The following TRMT44 variants were observed in gnomAD, a reference collection of about 807,000 sequenced individuals.
The protein encoded by TRMT44 is tRNA methyltransferase 44 homolog.
TRMT44 carries 78 observed loss-of-function variants against 77.3 expected under a neutral mutation model. That is an observed-to-expected ratio of 1.01 (90% confidence interval 0.84 to 1.22). TRMT44 has a LOEUF of 1.22. TRMT44 is among the 50% of genes most tolerant of loss of function. The pLI, the probability that TRMT44 is intolerant of heterozygous loss-of-function variation, is 0.00. For synonymous variants in TRMT44, 391 were observed against 383.3 expected (o/e 1.02, Z -0.23); for missense variants, 1,090 against 964.4 (o/e 1.13, Z -1.73).
downstream of TRMT44, among the ~76,000 whole-genome samples, chr4:8,497,783 T>C (rs1726882845): frequency 6.6e-6 from 1 of 152,256 alleles, no homozygotes; most frequent in African/African-American, 2.4e-5. Context: ...TTAGTCTCTC[T>C]AGTTCTCTAT....
At chr4:8,516,867 T>G in the TRMT44 span, among the ~76,000 whole-genome samples, 1 of 152,266 alleles carries the variant, frequency 6.6e-6, no homozygotes, top group Non-Finnish European at 1.5e-5. Context: ...CATCTTCTCA[T>G]GAGCAATGTG....
chr4:8,455,640 T>A (rs1725755771), intron 6 of TRMT44, among the ~76,000 whole-genome samples: 1 of 152,250 alleles, frequency 6.6e-6, no homozygotes, highest in African/African-American at 2.4e-5. Context: ...GTGACCATGG[T>A]GTATACGGAA....
downstream of TRMT44, chr4:8,476,694 C>G (rs2631736): frequency 0.3 from 45,624 of 152,238 alleles, 7,540 homozygotes; most frequent in Admixed American, 0.41. Flanking sequence ...CCCAGAAATA[C>G]TGCAGCAGTC....
intron 3 of TRMT44, 112 bp downstream of exon 3, chr4:8,450,000 C>G (rs533474285): frequency 1.1e-5 from 7 of 633,284 alleles, no homozygotes; most frequent in African/African-American, 2.5e-5. Flanking sequence ...TGTCACCCCC[C>G]CAAAAAAAAG....
downstream of TRMT44, among the ~76,000 whole-genome samples, chr4:8,479,991 C>T (rs1281533318): frequency 6.6e-6 from 1 of 152,096 alleles, no homozygotes. Context: ...AATTGATCTC[C>T]TGCCTCAGCC....
chr4:8,445,862 T>C (rs934053880), intron 1 of TRMT44, among the ~76,000 whole-genome samples: 1 of 152,116 alleles, frequency 6.6e-6, no homozygotes, highest in Non-Finnish European at 1.5e-5. Flanking sequence ...ATATCAAAGG[T>C]AAACACGATT....
intron 9 of TRMT44, 75 bp from the exon 10 acceptor site, chr4:8,471,009 C>A: frequency 9.9e-7 from 1 of 1,006,402 alleles, no homozygotes; most frequent in African/African-American, 1.6e-5. Flanking sequence ...CTGAAATGGA[C>A]TGTTTCTGCC....
intron 2 of TRMT44, among the ~76,000 whole-genome samples, chr4:8,490,086 C>G (rs1727950075): frequency 6.6e-6 from 1 of 152,204 alleles, no homozygotes. Context: ...GGCAATTCAG[C>G]CCACAGGAGG....
the TRMT44 span, chr4:8,507,339 T>C: frequency 1.3e-5 from 2 of 152,380 alleles, no homozygotes; most frequent in Non-Finnish European, 2.9e-5. Context: ...GGCTGGCTGA[T>C]AGTTTAGAAG....
At chr4:8,465,585 C>T in intron 8 of TRMT44, 24 bp downstream of exon 8, 2 of 1,594,820 alleles carry the variant, frequency 1.3e-6, no homozygotes, top group Non-Finnish European at 1.7e-6. Flanking sequence ...TCATGTTGTT[C>T]TAGGCGGTGT....
At chr4:8,448,272 TC>T (rs1008242282) in intron 2 of TRMT44, among the ~76,000 whole-genome samples, 3 of 152,222 alleles carry the variant, frequency 2.0e-5, no homozygotes, top group African/African-American at 7.2e-5. Flanking sequence ...GGATTCATTT[TC>T]GGCAACATTT....
At chr4:8,498,249 G>C (rs1434922319), downstream of TRMT44, among the ~76,000 whole-genome samples, 1 of 152,184 alleles carries the variant, frequency 6.6e-6, no homozygotes, top group African/African-American at 2.4e-5. This position sits in a 1 kb window ranked among gnomAD's most constrained non-coding sequence, Gnocchi z 4.3. Context: ...GCACTGCAGG[G>C]TCTGGCAGTT....
intron 2 of TRMT44, among the ~76,000 whole-genome samples, chr4:8,481,812 C>G (rs560658326): frequency 7.2e-5 from 11 of 152,224 alleles, no homozygotes; most frequent in Non-Finnish European, 1.3e-4. Flanking sequence ...GACTAGCACA[C>G]CTAGGGCAGT....
chr4:8,476,085 G>T lies in TRMT44; in HGVS notation c.*84G>T. 3.1e-6 allele frequency: 4 copies of T among 1,310,168 alleles called. No homozygotes were observed. The highest frequency in any genetic ancestry group is 2.7e-5 in the South Asian group (2 of 74,122). The allele number at this position is 1,310,168 out of a possible 1,614,324, so 81.2% of individuals were successfully genotyped here. On this transcript the variant is annotated 3_prime_UTR_variant, in exon 11 of 11. Transcript: ENST00000389737. ...AGCAGTCGTCAGTGCTGTGGTCTCTGCTCTGGCTGTGTTTCAGCCCACCTC... is the reference window on the plus strand; with the variant it reads ...AGCAGTCGTCAGTGCTGTGGTCTCTTCTCTGGCTGTGTTTCAGCCCACCTC...
At chr4:8,499,169 G>C in the TRMT44 span, among the ~76,000 whole-genome samples, 2 of 152,116 alleles carry the variant, frequency 1.3e-5, no homozygotes, top group African/African-American at 4.8e-5. Context: ...GGCCTCCTGA[G>C]ATGTGGCTCT....
chr4:8,503,924 A>C, the TRMT44 span, among the ~76,000 whole-genome samples: 1 of 152,200 alleles, frequency 6.6e-6, no homozygotes, highest in African/African-American at 2.4e-5. Context: ...CCTCGGTGCC[A>C]AGGCTTGCAA....
Position 8,476,010 on chromosome 4 carries a change from C to A in TRMT44, c.*9C>A, listed in dbSNP as rs775560222. On this transcript the variant is annotated 3_prime_UTR_variant, in exon 11 of 11. Transcript: ENST00000389737. ...GGAAGAAGATTTCATGAGCTGCATC[C>A]TTGCCAGCCGAGGCCTGGTTGGGGA... 2 of 1,612,334 alleles carry A rather than the reference C, an allele frequency of 1.2e-6. No homozygotes were observed. Among genetic ancestry groups the A allele is most frequent in the African/African-American group, 2.7e-5 (2 of 74,916 alleles).
At position 8,461,030 on chromosome 4, in the gene TRMT44, T is replaced by G. The variant is rs1204442528; in HGVS notation, c.1204-2955T>G. Among the ~76,000 whole-genome samples, 3 of 152,132 alleles carry G rather than the reference T, an allele frequency of 2.0e-5. No homozygotes were observed. The highest frequency in any genetic ancestry group is 4.4e-5 in the Non-Finnish European group (3 of 68,038). On this transcript the variant is annotated intron_variant, in intron 6 of 10. Coordinates refer to ENST00000389737, the MANE Select transcript of TRMT44 (RefSeq NM_152544.3). This position sits in a 1 kb window ranked among gnomAD's most constrained non-coding sequence, Gnocchi z 4.6. ...GCCTGACTAATTTTGTGTTTGTTTT[T>G]TGTTGAAACAGGGTCTTCCTATGTT...
Position 8,446,995 on chromosome 4 carries a change from C to T in TRMT44, c.734+405C>T, listed in dbSNP as rs1725100145. ...CTACCTCCTGCATTTAAGTGATTCT[C>T]GTGCCTCAGTCTGCACAGTACAGGC... On this transcript the variant is annotated intron_variant, in intron 2 of 10. Coordinates refer to ENST00000389737, the MANE Select transcript of TRMT44 (RefSeq NM_152544.3). This position sits in a 1 kb window ranked among gnomAD's most constrained non-coding sequence, Gnocchi z 4.3. 6.6e-6 allele frequency among the ~76,000 whole-genome samples: 1 copy of T among 152,186 alleles called. No homozygotes were observed. The highest frequency in any genetic ancestry group is 2.1e-4 in the South Asian group (1 of 4,832).
Sources: allele counts gnomAD v4.1 joint callset (sites outside exome capture counted in the v4.1 genomes callset), GRCh38; gene constraint gnomAD v4.1.1; non-coding constraint Gnocchi (gnomAD v3.1); transcripts MANE v1.5; gene names NCBI Gene and HGNC (gene_info 2026-07-23, HGNC 2026-07-21).